The following E2F5 variants were observed in gnomAD, a reference collection of about 807,000 sequenced individuals.
E2F5 encodes the protein transcription factor E2F5.
In E2F5, 23 loss-of-function variants were observed where a neutral mutation model predicts 39.1. The observed-to-expected ratio is 0.59, with a 90% CI of 0.42 to 0.83. The LOEUF (loss-of-function observed/expected upper bound fraction) is 0.83. Among genes scored for constraint, E2F5 ranks in the 40% least tolerant of loss-of-function variants. E2F5 has a pLI of 0.00. For synonymous variants in E2F5, 145 were observed against 157.8 expected, an observed-to-expected ratio of 0.92 and a Z score of 0.61; for missense variants, 365 against 406.7, an observed-to-expected ratio of 0.90 and a Z score of 0.88.
intron 1 of E2F5, among the ~76,000 whole-genome samples, chr8:85,190,497 C>CTTTTTTTTTT (rs34804570): frequency 5.7e-5 from 4 of 70,306 alleles, no homozygotes; most frequent in Admixed American, 2.1e-4. Context: ...GAGATTTTTC[C>CTTTTTTTTTT]TTTTTTTTTT....
At chr8:85,202,069 A>G (rs1242179272) in intron 1 of E2F5, 78 bp from the exon 2 acceptor site, 1 of 1,187,894 alleles carries the variant, frequency 8.4e-7, no homozygotes, top group African/African-American at 1.5e-5. Context: ...CTTGTTGTGG[A>G]TTTAATAATC....
In E2F5 at chr8:85,177,462, G is replaced by A. The variant is rs1386834843; in HGVS notation, c.42G>A (p.Pro14=). 9.0e-6 allele frequency: 9 copies of A among 1,002,818 alleles called. No individual in the cohort carries two copies. Among genetic ancestry groups the A allele is most frequent in the Non-Finnish European group, 1.1e-5 (9 of 842,926 alleles). The allele number at this position is 1,002,818 out of a possible 1,614,324, so 62.1% of individuals were successfully genotyped here. The change falls in exon 1 of 8, where the codon CCG becomes CCA. Residue 14 remains proline, a synonymous_variant. Transcript: ENST00000416274. ...AEPASSGQQA[P]AGQGQGQRPP... is the part of the protein sequence containing the mutation. Reference sequence around the variant, plus strand: ...CCGCGAGCTCGGGCCAGCAGGCGCCGGCAGGGCAGGGGCAGGGCCAGCGGC... The same window carrying A: ...CCGCGAGCTCGGGCCAGCAGGCGCCAGCAGGGCAGGGGCAGGGCCAGCGGC...
intron 1 of E2F5, among the ~76,000 whole-genome samples, chr8:85,179,466 C>T (rs1274119763): frequency 6.6e-6 from 1 of 152,094 alleles, no homozygotes; most frequent in Non-Finnish European, 1.5e-5. Flanking sequence ...ACAATAATTG[C>T]TTTATTCATT....
chr8:85,195,670 T>C (rs4150911), intron 1 of E2F5, among the ~76,000 whole-genome samples: 36 of 151,940 alleles, frequency 2.4e-4, no homozygotes, highest in Non-Finnish European at 4.6e-4. Flanking sequence ...TTTTAATTTT[T>C]TTTTGTAGAG....
Position 85,203,762 on chromosome 8 carries a change from G to A in E2F5, c.506+507G>A, listed in dbSNP as rs370136923. ...CTACTGGAGAACAGGGGTCTAAGTC[G>A]TGTGTGCCTATCAACAATATATATT... On this transcript the variant is annotated intron_variant, in intron 3 of 7. Transcript: ENST00000416274. Among the ~76,000 whole-genome samples the A allele has an allele frequency of 8.0e-5, 12 of 150,176 alleles. 1 individual carries two copies. The East Asian group carries it at 1.7e-3, about 22-fold the overall frequency.
chr8:85,211,203 C>T (rs1406533331), intron 6 of E2F5, among the ~76,000 whole-genome samples: 2 of 125,916 alleles, frequency 1.6e-5, no homozygotes, highest in African/African-American at 6.2e-5. Context: ...CTGGGCAATA[C>T]AGTGAGACCC....
intron 1 of E2F5, 71 bp downstream of exon 1, chr8:85,177,725 C>T: frequency 1.7e-6 from 2 of 1,179,894 alleles, no homozygotes; most frequent in Non-Finnish European, 2.1e-6. Context: ...AGCCCCTCGC[C>T]GCGTGGGTCT....
chr8:85,180,536 A>G (rs370793556), intron 1 of E2F5, among the ~76,000 whole-genome samples: 1 of 62,214 alleles, frequency 1.6e-5, no homozygotes, highest in Non-Finnish European at 3.7e-5. Flanking sequence ...ATATATATAT[A>G]TATATATATA....
At chr8:85,192,122 T>C (rs781204769) in intron 1 of E2F5, among the ~76,000 whole-genome samples, 24 of 151,988 alleles carry the variant, frequency 1.6e-4, no homozygotes, top group Non-Finnish European at 3.1e-4. Context: ...AATAGGAAAG[T>C]GGAAGTGACA....
At chr8:85,191,408 A>G (rs1458402967) in intron 1 of E2F5, among the ~76,000 whole-genome samples, 1 of 152,214 alleles carries the variant, frequency 6.6e-6, no homozygotes, top group African/African-American at 2.4e-5. Context: ...GAAAATTGCT[A>G]AGAAAATAGA....
chr8:85,191,079 A>T (rs1003980103), intron 1 of E2F5, among the ~76,000 whole-genome samples: 4 of 152,154 alleles, frequency 2.6e-5, no homozygotes, highest in African/African-American at 9.7e-5. Flanking sequence ...TGGACTTCTG[A>T]TCTATAGAAC....
At position 85,199,543 on chromosome 8, in the gene E2F5, A is replaced by AGTG. The variant is rs3069354; in HGVS notation, c.235-2584_235-2582dup. Among the ~76,000 whole-genome samples, 44 of 151,278 alleles carry AGTG rather than the reference A, an allele frequency of 2.9e-4. No individual in the cohort carries two copies. The East Asian group carries it at 6.4e-3, about 22-fold the overall frequency. On this transcript the variant is annotated intron_variant, in intron 1 of 7. Transcript: ENST00000416274. ...ATGAATGGAGGAAGGTAGTGGTGAT[A>AGTG]GTGGTGGTGGTGGTGGTGGTGGAGA...
intron 1 of E2F5, chr8:85,187,747 C>T (rs908996528): frequency 6.6e-6 from 1 of 152,062 alleles, no homozygotes; most frequent in Non-Finnish European, 1.5e-5. Flanking sequence ...ACTACTTTGC[C>T]TTTTTATTGG....
At chr8:85,198,310 T>C (rs1179574653) in intron 1 of E2F5, among the ~76,000 whole-genome samples, 1 of 151,940 alleles carries the variant, frequency 6.6e-6, no homozygotes, top group Non-Finnish European at 1.5e-5. Context: ...CCTATCAGCA[T>C]ACTCACATGT....
intron 1 of E2F5, among the ~76,000 whole-genome samples, chr8:85,182,018 A>G (rs1460368813): frequency 6.6e-6 from 1 of 152,110 alleles, no homozygotes; most frequent in African/African-American, 2.4e-5. Context: ...CTGTTGTAGT[A>G]TAACTTAACA....
At chr8:85,206,792 G>A (rs1291889197) in intron 4 of E2F5, among the ~76,000 whole-genome samples, 1 of 151,998 alleles carries the variant, frequency 6.6e-6, no homozygotes, top group African/African-American at 2.4e-5. Context: ...TATAGCACAA[G>A]TAAAATGAAA....
rs544034939 is a variant in E2F5, at chr8:85,195,153, G to A, written c.235-6994G>A. On this transcript the variant is annotated intron_variant, in intron 1 of 7. Transcript: ENST00000416274. ...TAATCCCAGCAATTTGGGAGGCCGA[G>A]GTGGGTGGATCATGAGGTCAGGAGT... 1.8e-4 allele frequency among the ~76,000 whole-genome samples: 28 copies of A among 152,052 alleles called. 1 individual carries two copies. Among genetic ancestry groups the A allele is most frequent in the Admixed American group, 1.7e-3 (26 of 15,276 alleles).
Position 85,200,346 on chromosome 8 carries a change from T to G in E2F5, c.235-1801T>G, listed in dbSNP as rs1363974830. On this transcript the variant is annotated intron_variant, in intron 1 of 7. Coordinates refer to ENST00000416274, the MANE Select transcript of E2F5 (RefSeq NM_001951.4). ...GTTAGTCATTTATATGTTTACATAC[T>G]TAAATAGTAAAGTATTTGAGAAATA... is the stretch of plus-strand genomic sequence containing the variant. 3.4e-6 allele frequency: 3 copies of G among 870,574 alleles called. No homozygotes were observed. In the African/African-American group the frequency reaches 6.1e-5, roughly 18 times the overall value. 53.9% of individuals were successfully genotyped at this position (870,574 alleles called of 1,614,324 possible).
At chr8:85,212,123 C>G (rs1238028029) in intron 6 of E2F5, 34 bp from the exon 7 acceptor site, 7 of 1,549,486 alleles carry the variant, frequency 4.5e-6, no homozygotes, top group Non-Finnish European at 6.2e-6. Context: ...TTACTGTTAA[C>G]AGAAATATAA....
Sources: gnomAD v4.1 joint callset for allele counts (sites outside exome capture counted in the v4.1 genomes callset) on GRCh38, gnomAD v4.1.1 for gene constraint, MANE v1.5 for transcripts, NCBI Gene and HGNC (gene_info 2026-07-23, HGNC 2026-07-21) for gene names.